SLC5A1: variants seen among roughly 807,000 people sequenced by gnomAD.
SLC5A1 encodes sodium/glucose cotransporter 1.
A neutral mutation model predicts 73.5 loss-of-function variants in SLC5A1; 42 were observed. The ratio of observed to expected loss-of-function variants is 0.57; its 90% CI spans 0.45 to 0.74. The LOEUF (loss-of-function observed/expected upper bound fraction) is 0.74. Among genes scored for constraint, SLC5A1 ranks in the 30% least tolerant of loss-of-function variants. SLC5A1 has a pLI of 0.00. For synonymous variants in SLC5A1, 300 were observed against 317.4 expected (o/e 0.95, Z 0.58); for missense variants, 634 against 855.4 (o/e 0.74, Z 3.23).
chr22:32,101,947 C>A, intron 12 of SLC5A1, 75 bp from the exon 13 acceptor site: 1 of 1,160,014 alleles, frequency 8.6e-7, no homozygotes, highest in Non-Finnish European at 1.3e-6. Context: ...TCTGCCTATG[C>A]CTCTCCAAAG....
At chr22:32,084,711 G>C in intron 8 of SLC5A1, 52 bp downstream of exon 8, 2 of 1,560,102 alleles carry the variant, frequency 1.3e-6, no homozygotes, top group African/African-American at 2.7e-5. Flanking sequence ...GGGCCCTACA[G>C]GAACTCCTGT....
chr22:32,085,142 G>A, intron 9 of SLC5A1, 107 bp downstream of exon 9: 1 of 1,303,862 alleles, frequency 7.7e-7, no homozygotes, highest in East Asian at 2.3e-5. Context: ...TTGAGACCAG[G>A]TCTCACTCTG....
rs2149491943 is a variant in SLC5A1, at chr22:32,083,062, T to C, written c.584-12T>C. The C allele has an allele frequency of 6.2e-7, 1 of 1,613,908 alleles. No individual in the cohort carries two copies. Reference sequence around the variant, plus strand: ...ACACGAGGTCAGATGTGTTGTCTTCTTGCCTGCTTAGGGGGCCTGGCGGCG... The same window carrying C: ...ACACGAGGTCAGATGTGTTGTCTTCCTGCCTGCTTAGGGGGCCTGGCGGCG... On this transcript the variant is annotated splice_polypyrimidine_tract_variant and intron_variant, in intron 6 of 14. Coordinates refer to ENST00000266088, the MANE Select transcript of SLC5A1 (RefSeq NM_000343.4).
At chr22:32,057,729 G>A (rs890906143) in intron 2 of SLC5A1, among the ~76,000 whole-genome samples, 1 of 152,158 alleles carries the variant, frequency 6.6e-6, no homozygotes, top group South Asian at 2.1e-4. Flanking sequence ...AAGGTCAGCT[G>A]TAATCATTTC....
chr22:32,096,330 A>G (rs1290622934), intron 11 of SLC5A1, among the ~76,000 whole-genome samples: 1 of 152,156 alleles, frequency 6.6e-6, no homozygotes, highest in Admixed American at 6.5e-5. Context: ...CATCCTGCCT[A>G]AATCCAAACA....
At chr22:32,045,930 T>A (rs1261207576) in intron 1 of SLC5A1, among the ~76,000 whole-genome samples, 1 of 152,190 alleles carries the variant, frequency 6.6e-6, no homozygotes, top group Admixed American at 6.5e-5. Context: ...GTTTTTACAC[T>A]TCTCAAGGGT....
At chr22:32,068,094 G>A (rs1162468858) in intron 4 of SLC5A1, 68 bp downstream of exon 4, 15 of 1,463,474 alleles carry the variant, frequency 1.0e-5, no homozygotes, top group Non-Finnish European at 1.1e-5. Flanking sequence ...CTTCCTAGAG[G>A]GCAGAGGAGA....
chr22:32,096,630 T>C (rs942743658), intron 11 of SLC5A1, among the ~76,000 whole-genome samples: 1 of 152,174 alleles, frequency 6.6e-6, no homozygotes, highest in Non-Finnish European at 1.5e-5. Flanking sequence ...TGCAATAGGG[T>C]CCTGAAAGCA....
At chr22:32,094,788 C>T (rs2094023666) in intron 11 of SLC5A1, among the ~76,000 whole-genome samples, 1 of 151,694 alleles carries the variant, frequency 6.6e-6, no homozygotes, top group Non-Finnish European at 1.5e-5. Context: ...TTTCAAAGAA[C>T]CAACTTTTTG....
At chr22:32,108,471 T>C (rs1377731487) in intron 14 of SLC5A1, among the ~76,000 whole-genome samples, 1 of 152,126 alleles carries the variant, frequency 6.6e-6, no homozygotes, top group African/African-American at 2.4e-5. Flanking sequence ...TCCTAGCTTA[T>C]TACTCCTTCT....
intron 9 of SLC5A1, among the ~76,000 whole-genome samples, chr22:32,085,596 A>G (rs1603130156): frequency 1.5e-5 from 2 of 135,928 alleles, no homozygotes; most frequent in East Asian, 4.2e-4. Flanking sequence ...ACATGCCTCC[A>G]GGTCACTTCT....
intron 5 of SLC5A1, among the ~76,000 whole-genome samples, chr22:32,073,706 G>A (rs569502910): frequency 6.6e-6 from 1 of 152,020 alleles, no homozygotes; most frequent in Non-Finnish European, 1.5e-5. Flanking sequence ...ACAGCCACAC[G>A]CCACCATGCC....
intron 14 of SLC5A1, among the ~76,000 whole-genome samples, chr22:32,105,621 A>G (rs569329327): frequency 2.0e-5 from 3 of 152,258 alleles, no homozygotes; most frequent in South Asian, 2.1e-4. Context: ...AAAATGTACA[A>G]TTAAGTTTTC....
chr22:32,105,315 C>A, intron 14 of SLC5A1, among the ~76,000 whole-genome samples: 1 of 144,904 alleles, frequency 6.9e-6, no homozygotes. Flanking sequence ...TTTTTTGAGA[C>A]CGAGTTTCAC....
chr22:32,070,408 G>A (rs1191002307), intron 5 of SLC5A1, among the ~76,000 whole-genome samples: 2 of 151,176 alleles, frequency 1.3e-5, no homozygotes, highest in African/African-American at 4.9e-5. Flanking sequence ...TCATAGCTCA[G>A]TGCAGCCTCT....
At chr22:32,085,172 G>C (rs1603129785) in intron 9 of SLC5A1, 137 bp downstream of exon 9, 10 of 1,052,528 alleles carry the variant, frequency 9.5e-6, no homozygotes, top group Non-Finnish European at 1.5e-5. Context: ...CTGGAGTGCA[G>C]TGGTGTGATC....
chr22:32,055,843 A>G (rs75526838), intron 2 of SLC5A1, among the ~76,000 whole-genome samples: 6,823 of 152,308 alleles, frequency 0.045, 207 homozygotes, highest in Non-Finnish European at 0.07. Context: ...TGCTGTAAAA[A>G]TTAGCATTCT....
chr22:32,081,060 G>T (rs563014789), intron 5 of SLC5A1, among the ~76,000 whole-genome samples: 50 of 152,146 alleles, frequency 3.3e-4, no homozygotes, highest in African/African-American at 1.1e-3. Flanking sequence ...GTATTGTTTT[G>T]GAGATGACAT....
chr22:32,110,930 T>A lies in SLC5A1; in HGVS notation c.*717T>A, dbSNP rs2094055795. 6.5e-6 allele frequency: 1 copy of A among 153,344 alleles called. No individual in the cohort carries two copies. The highest frequency in any genetic ancestry group is 1.5e-5 in the Non-Finnish European group (1 of 68,842). The allele number at this position is 153,344 out of a possible 1,614,324, so 9.5% of individuals were successfully genotyped here. A position where few individuals can be genotyped will look rare whatever the true frequency, so the allele number is the denominator to read the frequency against. ...CATTGTGAGTTCCCCGTGTTTGGGA[T>A]TCCACTCATTTTGGCATTCACAGTG... On this transcript the variant is annotated 3_prime_UTR_variant, in exon 15 of 15. Transcript: ENST00000266088.
Sources: gnomAD v4.1 joint callset for allele counts (sites outside exome capture counted in the v4.1 genomes callset) on GRCh38, gnomAD v4.1.1 for gene constraint, MANE v1.5 for transcripts, NCBI Gene and HGNC (gene_info 2026-07-23, HGNC 2026-07-21) for gene names.